AGBL1: variants seen among roughly 807,000 people sequenced by gnomAD.
AGBL1 encodes AGBL carboxypeptidase 1, also known as cytosolic carboxypeptidase 4.
AGBL1 carries 130 observed loss-of-function variants against 118.9 expected under a neutral mutation model. The observed-to-expected ratio is 1.09, with a 90% CI of 0.95 to 1.26. The LOEUF is 1.26. Among genes scored for constraint, AGBL1 ranks in the 50% most tolerant of loss-of-function variants. The pLI, the probability that AGBL1 is intolerant of heterozygous loss-of-function variation, is 0.00. For synonymous variants in AGBL1, 555 were observed against 478.9 expected (o/e 1.16, Z -2.08); for missense variants, 1,584 against 1,298.1 (o/e 1.22, Z -3.38).
chr15:86,683,639 C>G (rs1169462089), intron 22 of AGBL1, among the ~76,000 whole-genome samples: 1 of 152,074 alleles, frequency 6.6e-6, no homozygotes, highest in Non-Finnish European at 1.5e-5. Context: ...AGGTCTCTTG[C>G]CTATGAAACT....
intron 17 of AGBL1, among the ~76,000 whole-genome samples, chr15:86,367,428 G>C (rs945583766): frequency 6.6e-6 from 1 of 152,080 alleles, no homozygotes; most frequent in African/African-American, 2.4e-5. Context: ...TACCTCTTAG[G>C]AGACTGATTT....
At chr15:86,176,146 C>T (rs1266724227) in intron 5 of AGBL1, among the ~76,000 whole-genome samples, 1 of 152,150 alleles carries the variant, frequency 6.6e-6, no homozygotes, top group Non-Finnish European at 1.5e-5. Context: ...GTGGGTAGAG[C>T]AGGTTAATCT....
chr15:86,472,054 G>A (rs1285947593), intron 18 of AGBL1, among the ~76,000 whole-genome samples: 6 of 152,156 alleles, frequency 3.9e-5, no homozygotes, highest in Non-Finnish European at 7.3e-5. Flanking sequence ...CATGAGCCAA[G>A]GAAAGCCTGG....
intron 5 of AGBL1, among the ~76,000 whole-genome samples, chr15:86,189,192 G>A (rs909658900): frequency 3.9e-5 from 6 of 152,112 alleles, no homozygotes; most frequent in African/African-American, 1.4e-4. Context: ...CATTTTCCCT[G>A]GGGTAGGTTA....
At chr15:86,251,479 C>T (rs761812408) in intron 7 of AGBL1, among the ~76,000 whole-genome samples, 4 of 152,140 alleles carry the variant, frequency 2.6e-5, no homozygotes. Context: ...AAACCAATGT[C>T]CTAAATTAAT....
intron 24 of AGBL1, among the ~76,000 whole-genome samples, chr15:87,019,366 G>T (rs989639550): frequency 1.0e-4 from 15 of 146,730 alleles, no homozygotes; most frequent in Non-Finnish European, 2.1e-4. Context: ...TAAATAATTG[G>T]AAGTAAAACA....
chr15:86,483,138 G>A (rs2082673454), intron 18 of AGBL1, among the ~76,000 whole-genome samples: 1 of 152,050 alleles, frequency 6.6e-6, no homozygotes, highest in African/African-American at 2.4e-5. Context: ...GCCTCTCCAT[G>A]GGGCCCATGT....
intron 24 of AGBL1, among the ~76,000 whole-genome samples, chr15:87,006,355 C>T (rs1773139008): frequency 6.6e-6 from 1 of 152,178 alleles, no homozygotes; most frequent in African/African-American, 2.4e-5. Context: ...TCAAGCTTCC[C>T]TGCCGCTTTG....
chr15:86,397,563 G>T lies in AGBL1; in HGVS notation c.2555+17G>T. On this transcript the variant is annotated intron_variant, in intron 18 of 22. Coordinates refer to ENST00000614907, the MANE Select transcript of AGBL1 (RefSeq NM_001386094.1). ...CAACGGCAAGTATGTCAGGCACCTG[G>T]CTCAGCCAAACCCACAATTATGCTA... The T allele has an allele frequency of 1.3e-6, 2 of 1,588,442 alleles. No homozygotes were observed. Among genetic ancestry groups the T allele is most frequent in the Non-Finnish European group, 1.7e-6 (2 of 1,165,512 alleles).
intron 22 of AGBL1, among the ~76,000 whole-genome samples, chr15:86,828,109 C>G (rs1346196084): frequency 1.3e-5 from 2 of 151,060 alleles, no homozygotes; most frequent in Non-Finnish European, 3.0e-5. Flanking sequence ...CCAACTAATT[C>G]TAAAAAATTG....
At chr15:86,812,853 A>G (rs2078809148) in intron 22 of AGBL1, among the ~76,000 whole-genome samples, 1 of 152,220 alleles carries the variant, frequency 6.6e-6, no homozygotes, top group Non-Finnish European at 1.5e-5. Flanking sequence ...TATGCGTGGC[A>G]GGTAAAGAAG....
intron 17 of AGBL1, among the ~76,000 whole-genome samples, chr15:86,316,106 A>G (rs941709226): frequency 6.6e-6 from 1 of 152,134 alleles, no homozygotes; most frequent in Non-Finnish European, 1.5e-5. Flanking sequence ...TCCCTCACCT[A>G]TTTCTTTATT....
At chr15:86,796,269 C>T (rs1412296165) in intron 22 of AGBL1, among the ~76,000 whole-genome samples, 1 of 152,148 alleles carries the variant, frequency 6.6e-6, no homozygotes, top group Non-Finnish European at 1.5e-5. Context: ...GACATTTGTT[C>T]TGTCAGAAAA....
At chr15:86,210,823 C>A (rs181457845) in intron 5 of AGBL1, among the ~76,000 whole-genome samples, 3 of 152,272 alleles carry the variant, frequency 2.0e-5, no homozygotes, top group South Asian at 2.1e-4. Context: ...TCTGTGAGCT[C>A]GTCAGTGTCA....
At chr15:86,294,675 T>C (rs2141772299) in intron 16 of AGBL1, among the ~76,000 whole-genome samples, 1 of 152,288 alleles carries the variant, frequency 6.6e-6, no homozygotes, top group Non-Finnish European at 1.5e-5. Context: ...GGGCATGTTC[T>C]ATTTTCATGA....
chr15:86,271,700 A>C lies in AGBL1; in HGVS notation c.2069A>C (p.Tyr690Ser). The change falls in exon 15 of 23, where the codon TAT becomes TCT. Residue 690 changes from tyrosine (Y) to serine (S), a missense_variant. Tyr to Ser is a moderately radical substitution (Grantham distance 144, BLOSUM62 -2). Coordinates refer to ENST00000614907, the MANE Select transcript of AGBL1 (RefSeq NM_001386094.1). The stretch of plus-strand genomic sequence containing the variant: ...ATAAGGACAGGCCATGAAATATGTT[A>C]TTACAAGTAAGTTAGAGCGCTGTTA... ...TWIRTGHEIC[Y>S]YKNHYRQSTA... 6.2e-7 allele frequency: 1 copy of C among 1,612,046 alleles called. No individual in the cohort carries two copies. The highest frequency in any genetic ancestry group is 8.5e-7 in the Non-Finnish European group (1 of 1,178,192).
In AGBL1 at chr15:86,271,677, A is replaced by G. The variant is rs755331806; in HGVS notation, c.2046A>G (p.Ile682Met). ...KEALLGKPTW[I>M]RTGHEICYYK... ...CTCTTCTTGGCAAACCCACCTGGATAAGGACAGGCCATGAAATATGTTATT... is the reference window on the plus strand; with the variant it reads ...CTCTTCTTGGCAAACCCACCTGGATGAGGACAGGCCATGAAATATGTTATT... The change falls in exon 15 of 23, where the codon ATA becomes ATG. Residue 682 changes from isoleucine (I) to methionine (M), a missense_variant. Coordinates refer to ENST00000614907, the MANE Select transcript of AGBL1 (RefSeq NM_001386094.1). 1.2e-6 allele frequency: 2 copies of G among 1,613,442 alleles called. No homozygotes were observed. The highest frequency in any genetic ancestry group is 2.2e-5 in the East Asian group (1 of 44,866).
intron 18 of AGBL1, among the ~76,000 whole-genome samples, chr15:86,464,605 A>G (rs2082376695): frequency 1.3e-5 from 2 of 152,166 alleles, no homozygotes; most frequent in African/African-American, 2.4e-5. Context: ...TTATTTTGAG[A>G]TATGTTCCAT....
intron 20 of AGBL1, among the ~76,000 whole-genome samples, chr15:86,550,195 T>G (rs1381351310): frequency 6.6e-6 from 1 of 151,898 alleles, no homozygotes; most frequent in African/African-American, 2.4e-5. Context: ...GAAGATATAA[T>G]GAGAGAAGAA....
Sources: gnomAD v4.1 joint callset for allele counts (sites outside exome capture counted in the v4.1 genomes callset) on GRCh38, gnomAD v4.1.1 for gene constraint, MANE v1.5 for transcripts, NCBI Gene and HGNC (gene_info 2026-07-23, HGNC 2026-07-21) for gene names.